ARHGEF4: variants seen among roughly 807,000 people sequenced by gnomAD.
ARHGEF4 encodes the protein Rho guanine nucleotide exchange factor 4.
In ARHGEF4, 119 loss-of-function variants were observed where a neutral mutation model predicts 162.0. The ratio of observed to expected loss-of-function variants is 0.73; its 90% CI spans 0.63 to 0.86. ARHGEF4 has a LOEUF of 0.86. ARHGEF4 is among the 40% of genes least tolerant of loss of function. The pLI, the probability that ARHGEF4 is intolerant of heterozygous loss-of-function variation, is 0.00. For missense variants in ARHGEF4, 2,488 were observed against 2,456.0 expected (o/e 1.01, Z -0.28); for synonymous variants, 1,014 against 979.9 (o/e 1.03, Z -0.65).
chr2:131,011,628 C>T, intron 4 of ARHGEF4: 6 of 1,532,188 alleles, frequency 3.9e-6, no homozygotes, highest in Non-Finnish European at 4.4e-6. Flanking sequence ...TAGCTTCTCT[C>T]AAAACTGGTT....
intron 5 of ARHGEF4, among the ~76,000 whole-genome samples, chr2:131,030,837 T>G (rs1273447407): frequency 6.6e-6 from 1 of 152,212 alleles, no homozygotes; most frequent in African/African-American, 2.4e-5. Context: ...GGTGCCTGCC[T>G]GTTAGGAGCC....
chr2:130,838,196 G>A (rs1166441490), intron 1 of ARHGEF4, among the ~76,000 whole-genome samples: 1 of 152,244 alleles, frequency 6.6e-6, no homozygotes, highest in Admixed American at 6.5e-5. Flanking sequence ...CATTGAGGAG[G>A]TGTACAATCT....
At position 130,916,959 on chromosome 2, in the gene ARHGEF4, G is replaced by C; in HGVS notation, c.3013G>C (p.Ala1005Pro). 6.4e-7 allele frequency: 1 copy of C among 1,550,812 alleles called. No individual in the cohort carries two copies. The change falls in exon 2 of 14, where the codon GCA (alanine) becomes CCA (proline). Residue 1005 changes from alanine (A) to proline (P), a missense_variant. Ala to Pro is a conservative substitution (Grantham distance 27). Around this residue, in one of 6 missense-constraint regions of ARHGEF4, gnomAD observed 1,642 missense variants for 1,481.5 expected, o/e 1.11. Coordinates refer to ENST00000409359, the MANE Select transcript of ARHGEF4 (RefSeq NM_001367493.1). The stretch of plus-strand genomic sequence containing the variant: ...GGGCTATGTTTTTAGCGATCACTGG[G>C]CACCCCCACTTGCCTCCACACCTTT... The part of the protein sequence containing the change: ...KEGYVFSDHW[A>P]PPLASTPLSS...
intron 1 of ARHGEF4, among the ~76,000 whole-genome samples, chr2:130,882,540 C>A (rs942253164): frequency 2.0e-5 from 3 of 151,870 alleles, no homozygotes. Flanking sequence ...CTAACCACCT[C>A]CCAACAGTCT....
At chr2:130,945,099 T>C (rs901137896) in intron 3 of ARHGEF4, among the ~76,000 whole-genome samples, 13 of 152,134 alleles carry the variant, frequency 8.5e-5, no homozygotes, top group African/African-American at 1.4e-4. Context: ...GACTCTTATA[T>C]GCTGTTCAGG....
At chr2:130,922,251 A>G (rs59346005) in intron 2 of ARHGEF4, among the ~76,000 whole-genome samples, 3,388 of 151,784 alleles carry the variant, frequency 0.022, 117 homozygotes, top group African/African-American at 0.076. Context: ...CATGCATATA[A>G]TCGCAGCTAG....
intron 4 of ARHGEF4, among the ~76,000 whole-genome samples, chr2:131,011,241 A>G (rs190636136): frequency 6.6e-6 from 1 of 152,314 alleles, no homozygotes; most frequent in African/African-American, 2.4e-5. Context: ...ATTTTAGCAC[A>G]CCTGACCTTT....
chr2:130,949,124 G>GT lies in ARHGEF4; in HGVS notation c.3985+2496dup, dbSNP rs557814222. On this transcript the variant is annotated intron_variant, in intron 4 of 13. Transcript: ENST00000409359. Reference sequence around the variant, plus strand: ...CTGCTTTGTTTTCCTGTTTTGTTTTGTTTTTTTCTCACCTGTGTTCACTGC... The same window carrying GT: ...CTGCTTTGTTTTCCTGTTTTGTTTTGTTTTTTTTCTCACCTGTGTTCACTGC... Among the ~76,000 whole-genome samples the GT allele has an allele frequency of 8.6e-5, 13 of 151,974 alleles. No individual in the cohort carries two copies. The East Asian group carries it at 1.9e-3, about 23-fold the overall frequency.
intron 1 of ARHGEF4, among the ~76,000 whole-genome samples, chr2:130,903,891 A>G (rs1332495023): frequency 1.3e-5 from 2 of 152,180 alleles, no homozygotes; most frequent in African/African-American, 4.8e-5. Flanking sequence ...TCTCCATGGC[A>G]TATATGTACC....
chr2:130,951,920 G>T (rs1683983689), intron 4 of ARHGEF4, among the ~76,000 whole-genome samples: 1 of 152,000 alleles, frequency 6.6e-6, no homozygotes, highest in African/African-American at 2.4e-5. Context: ...TCTACCATGT[G>T]TCACCATTTT....
In ARHGEF4 at chr2:131,046,026, C is replaced by T. The variant is rs1327342467; in HGVS notation, c.5480-12C>T. 1 of 1,607,870 alleles carries T rather than the reference C, an allele frequency of 6.2e-7. No individual in the cohort carries two copies. ...GGGCACCCATGACCCTCTGCTGTCT[C>T]TCCCTGTTCAGCTGTTGGCCGGCCC... is the stretch of plus-strand genomic sequence containing the variant. On this transcript the variant is annotated splice_polypyrimidine_tract_variant and intron_variant, in intron 13 of 13. Coordinates refer to ENST00000409359, the MANE Select transcript of ARHGEF4 (RefSeq NM_001367493.1).
At chr2:131,025,571 G>A (rs1689424954) in intron 4 of ARHGEF4, among the ~76,000 whole-genome samples, 1 of 152,210 alleles carries the variant, frequency 6.6e-6, no homozygotes, top group East Asian at 1.9e-4. Flanking sequence ...CCTTCCATTG[G>A]TTTCTTCATC....
chr2:131,032,198 G>A (rs1382388897), intron 5 of ARHGEF4, among the ~76,000 whole-genome samples: 3 of 151,914 alleles, frequency 2.0e-5, no homozygotes, highest in African/African-American at 7.2e-5. Flanking sequence ...AGGCTCCTCT[G>A]TGGGGCCGAG....
intron 4 of ARHGEF4, among the ~76,000 whole-genome samples, chr2:131,003,271 A>T (rs770278029): frequency 5.3e-5 from 8 of 152,148 alleles, no homozygotes; most frequent in Non-Finnish European, 8.8e-5. Flanking sequence ...TCTGCACCTC[A>T]GTTCCTGATT....
At chr2:130,909,996 G>C (rs903002233) in intron 1 of ARHGEF4, among the ~76,000 whole-genome samples, 2 of 152,098 alleles carry the variant, frequency 1.3e-5, no homozygotes, top group Non-Finnish European at 2.9e-5. Flanking sequence ...AGAGAGCAGT[G>C]ATCACAGAAA....
At chr2:130,851,120 G>A (rs1038286899) in intron 1 of ARHGEF4, among the ~76,000 whole-genome samples, 5 of 152,260 alleles carry the variant, frequency 3.3e-5, no homozygotes, top group Admixed American at 6.5e-5. Flanking sequence ...TGTGAACACC[G>A]GCGTCCTGAC....
intron 4 of ARHGEF4, among the ~76,000 whole-genome samples, chr2:130,964,663 G>A (rs1684886586): frequency 6.6e-6 from 1 of 152,268 alleles, no homozygotes; most frequent in South Asian, 2.1e-4. Flanking sequence ...AAGCCAGGAG[G>A]ATGGAAGGGG....
intron 4 of ARHGEF4, among the ~76,000 whole-genome samples, chr2:131,011,518 C>CT (rs1688448298): frequency 6.6e-6 from 1 of 152,218 alleles, no homozygotes; most frequent in Non-Finnish European, 1.5e-5. Context: ...ATATTTAGGA[C>CT]TTAAGCTCCC....
chr2:130,855,730 A>G (rs570380548), intron 1 of ARHGEF4, among the ~76,000 whole-genome samples: 6 of 152,368 alleles, frequency 3.9e-5, no homozygotes, highest in African/African-American at 1.4e-4. Flanking sequence ...GAGCCAATCA[A>G]TAGCCAGTGT....
Sources: gnomAD v4.1 joint callset for allele counts (sites outside exome capture counted in the v4.1 genomes callset) on GRCh38, gnomAD v4.1.1 for gene constraint, gnomAD v4.1.1 regional missense constraint, MANE v1.5 for transcripts, NCBI Gene and HGNC (gene_info 2026-07-23, HGNC 2026-07-21) for gene names.